Variants in TCF4 observed in about 807,000 individuals in gnomAD.
The protein encoded by TCF4 is SL3-3 enhancer factor 2.
In TCF4, 3 loss-of-function variants were observed where a neutral mutation model predicts 82.1. The observed-to-expected ratio is 0.04, with a 90% confidence interval of 0.02 to 0.09. The LOEUF is 0.09. Ranked by LOEUF, TCF4 falls within the 10% of genes least tolerant of loss-of-function variation. TCF4 has a pLI of 1.00. For missense variants in TCF4, 518 were observed against 852.7 expected, an observed-to-expected ratio of 0.61 and a Z score of 4.89; for synonymous variants, 276 against 309.6, an observed-to-expected ratio of 0.89 and a Z score of 1.14.
intron 6 of TCF4, among the ~76,000 whole-genome samples, chr18:55,387,921 T>C (rs2092732999): frequency 6.6e-6 from 1 of 152,118 alleles, no homozygotes; most frequent in African/African-American, 2.4e-5. Context: ...GGCTAGGAAT[T>C]TTACTTGTAT....
At chr18:55,473,911 T>G (rs918988483) in intron 3 of TCF4, among the ~76,000 whole-genome samples, 2 of 152,194 alleles carry the variant, frequency 1.3e-5, no homozygotes, top group African/African-American at 4.8e-5. Flanking sequence ...AGAGCTTTAA[T>G]ACTGCCCTAT....
At chr18:55,381,896 C>G (rs1490175008) in intron 6 of TCF4, among the ~76,000 whole-genome samples, 1 of 149,444 alleles carries the variant, frequency 6.7e-6, no homozygotes, top group Admixed American at 6.7e-5. Flanking sequence ...AAGGTATCAA[C>G]AAACTCTAGA....
At chr18:55,490,457 T>C (rs187443328) in intron 3 of TCF4, among the ~76,000 whole-genome samples, 9 of 152,316 alleles carry the variant, frequency 5.9e-5, no homozygotes, top group Admixed American at 2.0e-4. Flanking sequence ...TAATATATAC[T>C]GTTTGACAGA....
intron 2 of TCF4, among the ~76,000 whole-genome samples, chr18:55,629,176 G>A (rs1012911705): frequency 5.3e-5 from 8 of 152,072 alleles, no homozygotes; most frequent in South Asian, 2.1e-4. Context: ...ACAAATGTCT[G>A]GAAAATTCAT....
intron 8 of TCF4, among the ~76,000 whole-genome samples, chr18:55,307,048 T>C (rs746066828): frequency 1.3e-5 from 2 of 152,212 alleles, no homozygotes; most frequent in Non-Finnish European, 2.9e-5. Context: ...AAATAGTTCA[T>C]TTCTGAAAAT....
intron 8 of TCF4, chr18:55,321,575 G>A: frequency 6.6e-7 from 1 of 1,518,876 alleles, no homozygotes; most frequent in Non-Finnish European, 8.8e-7. Flanking sequence ...CGGCAGTCCT[G>A]CACAACTTTG....
chr18:55,230,283 G>T (rs1317819124), intron 17 of TCF4: 2 of 152,098 alleles, frequency 1.3e-5, no homozygotes, highest in Admixed American at 6.6e-5. Flanking sequence ...ATTTCTGAGT[G>T]TTACAGTGAC....
At chr18:55,393,105 C>T (rs747428046) in intron 6 of TCF4, among the ~76,000 whole-genome samples, 14 of 152,152 alleles carry the variant, frequency 9.2e-5, no homozygotes, top group Non-Finnish European at 1.9e-4. Flanking sequence ...TGGCTCATGC[C>T]TATAATCACA....
intron 3 of TCF4, among the ~76,000 whole-genome samples, chr18:55,562,728 T>C (rs1211080514): frequency 3.3e-5 from 5 of 152,244 alleles, no homozygotes; most frequent in African/African-American, 9.6e-5. Flanking sequence ...TACTTGTATA[T>C]GGTTAATATT....
At chr18:55,485,569 T>C (rs371671131) in intron 3 of TCF4, among the ~76,000 whole-genome samples, 1 of 152,226 alleles carries the variant, frequency 6.6e-6, no homozygotes, top group East Asian at 1.9e-4. Context: ...TCACCTCTCC[T>C]GGTCCCTGTG....
chr18:55,375,940 TATATTTTACTCAACATTCTCAAGTGTCTG>T (rs1444347974), intron 6 of TCF4, among the ~76,000 whole-genome samples: 4 of 151,998 alleles, frequency 2.6e-5, no homozygotes, highest in African/African-American at 9.7e-5. Flanking sequence ...TAAGTCCTTT[TATATTTTACTCAACATTCTCAAGTGTCTG>T]ATATTTTAAG....
At chr18:55,400,675 T>G (rs934474086) in intron 6 of TCF4, among the ~76,000 whole-genome samples, 3 of 152,174 alleles carry the variant, frequency 2.0e-5, no homozygotes, top group Non-Finnish European at 4.4e-5. Context: ...AGGAGAAATC[T>G]AAAATATATA....
Position 55,228,921 on chromosome 18 carries a change from T to A in TCF4, c.1805A>T (p.Asp602Val). 6.2e-7 allele frequency: 1 copy of A among 1,614,152 alleles called. No individual in the cohort carries two copies. Among genetic ancestry groups the A allele is most frequent in the Non-Finnish European group, 8.5e-7 (1 of 1,180,024 alleles). ...GRMVQLHLKS[D>V]KPQTKLLILH... The stretch of plus-strand genomic sequence containing the variant: ...GATCAGGAGCTTGGTCTGGGGCTTG[T>A]CACTCTTGAGGTGGAGCTGCACCAT... The change falls in exon 18 of 20, where the codon GAC becomes GTC. Residue 602 changes from aspartate to valine, a missense_variant. Physicochemically the swap from Asp to Val is radical, Grantham distance 152. Transcript: ENST00000354452.
intron 8 of TCF4, among the ~76,000 whole-genome samples, chr18:55,340,144 T>C (rs1170046009): frequency 6.6e-6 from 1 of 152,016 alleles, no homozygotes; most frequent in African/African-American, 2.4e-5. Flanking sequence ...AGAATACCAC[T>C]GACACAAAAC....
chr18:55,230,585 A>T (rs565893491), intron 17 of TCF4: 2 of 152,350 alleles, frequency 1.3e-5, no homozygotes, highest in Admixed American at 6.5e-5. Context: ...AAGAAACTCC[A>T]TGGAAGTGAC....
intron 6 of TCF4, among the ~76,000 whole-genome samples, chr18:55,364,695 G>A (rs1274377193): frequency 2.0e-5 from 3 of 152,134 alleles, no homozygotes; most frequent in African/African-American, 4.8e-5. Context: ...GCTGCCAGGG[G>A]AGTCTATCAG....
chr18:55,378,668 T>A (rs1475858562), intron 6 of TCF4, among the ~76,000 whole-genome samples: 2 of 152,204 alleles, frequency 1.3e-5, no homozygotes, highest in African/African-American at 4.8e-5. Flanking sequence ...CTCCATATAG[T>A]GGGACAGAGC....
chr18:55,592,006 TTTTG>T (rs2097686039), upstream of TCF4, among the ~76,000 whole-genome samples: 1 of 152,160 alleles, frequency 6.6e-6, no homozygotes, highest in Non-Finnish European at 1.5e-5. Flanking sequence ...TTTGTCTTCT[TTTTG>T]TTTTTGTTTT....
intron 15 of TCF4, among the ~76,000 whole-genome samples, chr18:55,252,174 AG>A (rs2055399798): frequency 6.6e-6 from 1 of 152,114 alleles, no homozygotes; most frequent in African/African-American, 2.4e-5. Flanking sequence ...GTTTTCAGGA[AG>A]AAAGGAGAGA....
Sources: allele counts gnomAD v4.1 joint callset (sites outside exome capture counted in the v4.1 genomes callset), GRCh38; gene constraint gnomAD v4.1.1; transcripts MANE v1.5; gene names NCBI Gene and HGNC (gene_info 2026-07-23, HGNC 2026-07-21).